SORCS2: variants seen among roughly 807,000 people sequenced by gnomAD.
SORCS2 encodes the protein VPS10 domain-containing receptor SorCS2.
A neutral mutation model predicts 141.6 loss-of-function variants in SORCS2; 100 were observed. The observed-to-expected ratio is 0.71, with a 90% CI of 0.60 to 0.83. SORCS2 has a LOEUF of 0.83. Among genes scored for constraint, SORCS2 ranks in the 40% least tolerant of loss-of-function variants. The pLI is 0.00. For missense variants in SORCS2, 1,646 were observed against 1,560.2 expected (o/e 1.05, Z -0.93); for synonymous variants, 789 against 676.9 (o/e 1.17, Z -2.57).
chr4:7,369,835 C>T (rs546512345), intron 1 of SORCS2, among the ~76,000 whole-genome samples: 28 of 152,350 alleles, frequency 1.8e-4, no homozygotes, highest in Admixed American at 7.2e-4. Context: ...CTCCCTACCC[C>T]GATGCTCACA....
chr4:7,727,902 C>G lies in SORCS2; in HGVS notation c.2870-448C>G, dbSNP rs77309873. Reference sequence around the variant, plus strand: ...CCTCTGCTCTCAAGGGACTCTTAATCTGGTGGGAGGACCAGCAAGTTGAAG... The same window carrying G: ...CCTCTGCTCTCAAGGGACTCTTAATGTGGTGGGAGGACCAGCAAGTTGAAG... On this transcript the variant is annotated intron_variant, in intron 21 of 26. Coordinates refer to ENST00000507866, the MANE Select transcript of SORCS2 (RefSeq NM_020777.3). 4.1e-3 allele frequency among the ~76,000 whole-genome samples: 622 copies of G among 152,344 alleles called. 11 individuals carry two copies. The highest frequency in any genetic ancestry group is 0.025 in the Admixed American group (381 of 15,308).
At chr4:7,619,582 G>A (rs1403309803) in intron 3 of SORCS2, among the ~76,000 whole-genome samples, 1 of 152,190 alleles carries the variant, frequency 6.6e-6, no homozygotes, top group Non-Finnish European at 1.5e-5. Context: ...CCAGCTTGGT[G>A]CCCAATGACT....
chr4:7,739,134 T>C (rs1248877003), intron 26 of SORCS2, among the ~76,000 whole-genome samples: 1 of 152,184 alleles, frequency 6.6e-6, no homozygotes, highest in Non-Finnish European at 1.5e-5. Flanking sequence ...TCAGAGCTGT[T>C]ACTCAACCTC....
intron 1 of SORCS2, among the ~76,000 whole-genome samples, chr4:7,268,530 A>G (rs1468676373): frequency 6.6e-6 from 1 of 152,232 alleles, no homozygotes; most frequent in Non-Finnish European, 1.5e-5. Flanking sequence ...TGCCAGGATC[A>G]GGCACTGCTG....
intron 1 of SORCS2, among the ~76,000 whole-genome samples, chr4:7,321,659 G>A (rs1327983002): frequency 6.6e-6 from 1 of 152,212 alleles, no homozygotes; most frequent in Non-Finnish European, 1.5e-5. Flanking sequence ...AAGACCAGGT[G>A]GGCTCCAGGC....
chr4:7,510,336 G>A (rs1391485230), intron 2 of SORCS2, among the ~76,000 whole-genome samples: 2 of 152,210 alleles, frequency 1.3e-5, no homozygotes, highest in Non-Finnish European at 2.9e-5. Flanking sequence ...CCAGCTGTGG[G>A]CAGCCTTGTC....
chr4:7,216,763 G>A (rs1196547647), intron 1 of SORCS2, among the ~76,000 whole-genome samples: 1 of 152,090 alleles, frequency 6.6e-6, no homozygotes, highest in Non-Finnish European at 1.5e-5. Context: ...AATCACACCT[G>A]CAACGTTTCT....
At chr4:7,434,586 G>T (rs1025860749) in intron 2 of SORCS2, 19 of 1,613,382 alleles carry the variant, frequency 1.2e-5, no homozygotes, top group Non-Finnish European at 1.6e-5. Flanking sequence ...CCTGGCTGGG[G>T]AGCCACTCAC....
chr4:7,613,975 A>G lies in SORCS2; in HGVS notation c.649-24353A>G, dbSNP rs575135036. ...TTATCCACCCATCCACCAGCCATCCATCAATCCATCTATCCATCCACCTAT... is the reference window on the plus strand; with the variant it reads ...TTATCCACCCATCCACCAGCCATCCGTCAATCCATCTATCCATCCACCTAT... On this transcript the variant is annotated intron_variant, in intron 3 of 26. Transcript: ENST00000507866. 2.0e-5 allele frequency among the ~76,000 whole-genome samples: 3 copies of G among 151,456 alleles called. No homozygotes were observed. In the South Asian group the frequency reaches 6.3e-4, roughly 32 times the overall value.
chr4:7,281,296 C>T (rs1241658314), intron 1 of SORCS2, among the ~76,000 whole-genome samples: 2 of 152,068 alleles, frequency 1.3e-5, no homozygotes, highest in African/African-American at 4.8e-5. Context: ...CCATTTTGCC[C>T]ATCTCCGCTT....
intron 2 of SORCS2, among the ~76,000 whole-genome samples, chr4:7,435,941 T>G (rs1727268074): frequency 6.6e-6 from 1 of 152,190 alleles, no homozygotes; most frequent in Non-Finnish European, 1.5e-5. Flanking sequence ...TTCCTGGGCT[T>G]GGGTGCTCTG....
intron 1 of SORCS2, among the ~76,000 whole-genome samples, chr4:7,197,776 G>A (rs904644763): frequency 1.4e-4 from 21 of 152,180 alleles, no homozygotes; most frequent in African/African-American, 3.9e-4. Context: ...AGTCCGTGTC[G>A]CAGTGACGAG....
At chr4:7,194,928 G>A (rs973177717) in intron 1 of SORCS2, among the ~76,000 whole-genome samples, 4 of 152,130 alleles carry the variant, frequency 2.6e-5, no homozygotes, top group Non-Finnish European at 5.9e-5. Flanking sequence ...TCCTGGGGAG[G>A]GGGTAGAGGA....
At chr4:7,571,983 T>C (rs1015131283) in intron 3 of SORCS2, among the ~76,000 whole-genome samples, 5 of 152,100 alleles carry the variant, frequency 3.3e-5, no homozygotes, top group African/African-American at 4.8e-5. Flanking sequence ...CCAGGCTCCA[T>C]CCTGGGCCTG....
intron 2 of SORCS2, among the ~76,000 whole-genome samples, chr4:7,398,747 A>G (rs12500834): frequency 0.19 from 28,144 of 152,084 alleles, 2,867 homozygotes; most frequent in Non-Finnish European, 0.23. Flanking sequence ...CATTTCTTTT[A>G]TGGCTGTTAC....
At chr4:7,556,807 C>T (rs1347686582) in intron 3 of SORCS2, among the ~76,000 whole-genome samples, 3 of 150,138 alleles carry the variant, frequency 2.0e-5, no homozygotes, top group Non-Finnish European at 3.0e-5. Context: ...CACTTACCTG[C>T]CCATCATCCA....
intron 1 of SORCS2, among the ~76,000 whole-genome samples, chr4:7,303,341 G>T (rs1553833725): frequency 6.6e-6 from 1 of 152,180 alleles, no homozygotes; most frequent in Non-Finnish European, 1.5e-5. Flanking sequence ...GCTCTCTGCT[G>T]GTGACGATGA....
intron 2 of SORCS2, among the ~76,000 whole-genome samples, chr4:7,399,664 G>T (rs561455459): frequency 6.6e-6 from 1 of 152,308 alleles, no homozygotes; most frequent in Admixed American, 6.5e-5. Flanking sequence ...ATCAGGGTTT[G>T]AAGTGTGCAG....
At chr4:7,735,184 C>A (rs1712067616) in intron 25 of SORCS2, among the ~76,000 whole-genome samples, 1 of 152,232 alleles carries the variant, frequency 6.6e-6, no homozygotes, top group Non-Finnish European at 1.5e-5. Context: ...TTCTCCCCTG[C>A]CTGCTGGTTC....
Sources: allele counts gnomAD v4.1 joint callset (sites outside exome capture counted in the v4.1 genomes callset), GRCh38; gene constraint gnomAD v4.1.1; transcripts MANE v1.5; gene names NCBI Gene and HGNC (gene_info 2026-07-23, HGNC 2026-07-21).